PAICS: variants seen among roughly 807,000 people sequenced by gnomAD.
PAICS encodes the protein bifunctional phosphoribosylaminoimidazole carboxylase/phosphoribosylaminoimidazole succinocarboxamide synthetase.
In PAICS, 33 loss-of-function variants were observed where a neutral mutation model predicts 53.7. The observed-to-expected ratio is 0.61, with a 90% CI of 0.47 to 0.82. The LOEUF (loss-of-function observed/expected upper bound fraction) is 0.82. Among genes scored for constraint, PAICS ranks in the 40% least tolerant of loss-of-function variants. The pLI, the probability that PAICS is intolerant of heterozygous loss-of-function variation, is 0.00. For missense variants in PAICS, 394 were observed against 494.1 expected (o/e 0.80, Z 1.92); for synonymous variants, 141 against 167.2 (o/e 0.84, Z 1.21).
chr4:56,458,700 C>T (rs543562214), intron 8 of PAICS, among the ~76,000 whole-genome samples: 4 of 152,118 alleles, frequency 2.6e-5, no homozygotes, highest in Non-Finnish European at 2.9e-5. Context: ...TCGGGAAAAT[C>T]GAGCTTTTGG....
At chr4:56,414,353 G>A in the PAICS span, 10 of 152,178 alleles carry the variant, frequency 6.6e-5, no homozygotes, top group African/African-American at 2.4e-4. Context: ...CAAGTAGCCA[G>A]GACCAGAGCC....
At chr4:56,444,643 A>G (rs952408904) in intron 2 of PAICS, among the ~76,000 whole-genome samples, 3 of 152,176 alleles carry the variant, frequency 2.0e-5, no homozygotes, top group African/African-American at 7.2e-5. Flanking sequence ...TTTTCTCACC[A>G]TGCACAGTCA....
chr4:56,417,835 G>GTTTGTTTTTTTTTTTTTTTTTT, the PAICS span, among the ~76,000 whole-genome samples: 1 of 102,530 alleles, frequency 9.8e-6, no homozygotes, highest in African/African-American at 3.5e-5. Context: ...TGAAGATTTG[G>GTTTGTTTTTTTTTTTTTTTTTT]TTTTTTGTTT....
chr4:56,451,634 T>C (rs1461878196), intron 6 of PAICS, among the ~76,000 whole-genome samples: 1 of 152,160 alleles, frequency 6.6e-6, no homozygotes, highest in Non-Finnish European at 1.5e-5. Flanking sequence ...CTTTACTGTT[T>C]ATTTTAAATA....
intron 1 of PAICS, 101 bp from the exon 2 acceptor site, chr4:56,441,558 ATTAC>A (rs1008609825): frequency 2.4e-5 from 11 of 464,816 alleles, no homozygotes; most frequent in Middle Eastern, 4.2e-4. Flanking sequence ...TTTTATTAAT[ATTAC>A]TTAATCACTG....
At chr4:56,412,206 G>A in the PAICS span, among the ~76,000 whole-genome samples, 2 of 151,816 alleles carry the variant, frequency 1.3e-5, no homozygotes, top group Admixed American at 6.6e-5. Context: ...AAACTCCTTC[G>A]TTTTCACTCA....
At chr4:56,454,716 C>G (rs1382476266) in intron 8 of PAICS, among the ~76,000 whole-genome samples, 1 of 151,686 alleles carries the variant, frequency 6.6e-6, no homozygotes, top group Non-Finnish European at 1.5e-5. Flanking sequence ...CTCTTCCATT[C>G]CCTATATTTT....
At chr4:56,452,963 T>G (rs1188498347) in intron 7 of PAICS, among the ~76,000 whole-genome samples, 1 of 152,194 alleles carries the variant, frequency 6.6e-6, no homozygotes, top group Non-Finnish European at 1.5e-5. Context: ...ACTCCTTTGA[T>G]AGCTAATGAA....
intron 8 of PAICS, among the ~76,000 whole-genome samples, chr4:56,454,790 T>C (rs886318129): frequency 6.6e-6 from 1 of 152,150 alleles, no homozygotes; most frequent in Non-Finnish European, 1.5e-5. Context: ...CAAGAATTCA[T>C]GGTATTGATT....
the PAICS span, among the ~76,000 whole-genome samples, chr4:56,417,468 A>C: frequency 6.6e-6 from 1 of 152,174 alleles, no homozygotes; most frequent in East Asian, 1.9e-4. Flanking sequence ...TTATTACTGA[A>C]CCATTAATTG....
At chr4:56,444,879 A>G (rs1005269012) in intron 2 of PAICS, among the ~76,000 whole-genome samples, 3 of 152,132 alleles carry the variant, frequency 2.0e-5, no homozygotes, top group Non-Finnish European at 4.4e-5. Context: ...TTGGTAGACA[A>G]ATGAGCAAAT....
At position 56,448,524 on chromosome 4, in the gene PAICS, A is replaced by T. The variant is rs1224805484; in HGVS notation, c.500A>T (p.His167Leu). ...CAGACTGAAGTGGATATCATGAGTC[A>T]TGCTACACAGGCTATATTTGAAATA... is the stretch of plus-strand genomic sequence containing the variant. ...IGQTEVDIMS[H>L]ATQAIFEILE... The change falls in exon 4 of 9, where the codon CAT (histidine) becomes CTT (leucine). Residue 167 changes from histidine to leucine, a missense_variant. By Grantham distance (99) the His-to-Leu change is moderately conservative. Around this residue, in one of 3 missense-constraint regions of PAICS, gnomAD observed 168 missense variants for 199.3 expected, o/e 0.84. Transcript: ENST00000512576. 1.9e-6 allele frequency: 3 copies of T among 1,612,496 alleles called. No individual in the cohort carries two copies. In the Admixed American group the frequency reaches 5.0e-5, roughly 27 times the overall value.
chr4:56,446,145 A>G (rs1260849166), intron 2 of PAICS, among the ~76,000 whole-genome samples: 3 of 152,248 alleles, frequency 2.0e-5, no homozygotes, highest in African/African-American at 7.2e-5. Context: ...ATTGTGATAA[A>G]TACATAAAAT....
rs957255637 is a variant in PAICS at position 56,441,720 on chromosome 4, T to TA, written c.75dup (p.Asp26ArgfsTer21). On this transcript the variant is annotated frameshift_variant, in exon 2 of 9. Coordinates refer to ENST00000512576, the MANE Select transcript of PAICS (RefSeq NM_001079524.2). LOFTEE classifies it high-confidence loss of function. Reference sequence around the variant, plus strand: ...AAAACAAAAGAAGTCTACGAATTGTTAGACAGTCCAGGAAAAGTCCTCCTG... The same window carrying TA: ...AAAACAAAAGAAGTCTACGAATTGTTAAGACAGTCCAGGAAAAGTCCTCCTG... 6.2e-7 allele frequency: 1 copy of TA among 1,604,682 alleles called. No homozygotes were observed. The highest frequency in any genetic ancestry group is 8.5e-7 in the Non-Finnish European group (1 of 1,175,102).
At chr4:56,422,093 A>C in the PAICS span, 1 of 152,214 alleles carries the variant, frequency 6.6e-6, no homozygotes, top group Non-Finnish European at 1.5e-5. Flanking sequence ...AACATGGTGA[A>C]ACCCCATCTC....
intron 3 of PAICS, among the ~76,000 whole-genome samples, chr4:56,447,864 G>T (rs143342649): frequency 6.6e-6 from 1 of 151,968 alleles, no homozygotes; most frequent in South Asian, 2.1e-4. Context: ...AAGGAGTATC[G>T]TAAACAAAAA....
the PAICS span, among the ~76,000 whole-genome samples, chr4:56,425,917 T>C: frequency 6.6e-6 from 1 of 152,206 alleles, no homozygotes; most frequent in Non-Finnish European, 1.5e-5. Flanking sequence ...CCCACAGACA[T>C]CACTGCATTA....
At chr4:56,419,188 G>T in the PAICS span, among the ~76,000 whole-genome samples, 1 of 152,088 alleles carries the variant, frequency 6.6e-6, no homozygotes, top group African/African-American at 2.4e-5. Context: ...AAAGAAAAAA[G>T]AAAGGAGTTA....
At chr4:56,410,639 T>A in the PAICS span, 1 of 986,958 alleles carries the variant, frequency 1.0e-6, no homozygotes, top group Non-Finnish European at 1.2e-6. Flanking sequence ...AATATTTATT[T>A]ACATTGCTAA....
Sources: gnomAD v4.1 joint callset for allele counts (sites outside exome capture counted in the v4.1 genomes callset) on GRCh38, gnomAD v4.1.1 for gene constraint, gnomAD v4.1.1 regional missense constraint, MANE v1.5 for transcripts, NCBI Gene and HGNC (gene_info 2026-07-23, HGNC 2026-07-21) for gene names.